The following LDAH variants were observed in gnomAD, a reference collection of about 807,000 sequenced individuals.
The protein encoded by LDAH is lipid droplet-associated hydrolase.
Under a neutral mutation model 29.6 loss-of-function variants are expected in LDAH, and 26 were observed. That is an observed-to-expected ratio of 0.88 (90% CI 0.64 to 1.22). The LOEUF (loss-of-function observed/expected upper bound fraction) is 1.22. LDAH is among the 50% of genes most tolerant of loss of function. LDAH has a pLI of 0.00. For missense variants in LDAH, 344 were observed against 387.3 expected (o/e 0.89, Z 0.94); for synonymous variants, 117 against 133.0 (o/e 0.88, Z 0.83).
At chr2:20,691,271 C>T (rs1663001458) in intron 6 of LDAH, among the ~76,000 whole-genome samples, 1 of 152,214 alleles carries the variant, frequency 6.6e-6, no homozygotes, top group Admixed American at 6.5e-5. Context: ...ACCTCCCGAG[C>T]TCAAGTGACC....
chr2:20,692,836 C>T (rs971824102), intron 6 of LDAH, among the ~76,000 whole-genome samples: 7 of 152,102 alleles, frequency 4.6e-5, no homozygotes, highest in South Asian at 2.1e-4. Context: ...GGGTGGTAAA[C>T]GGCATTTCTG....
At chr2:20,762,363 G>A (rs1668745904) in intron 4 of LDAH, among the ~76,000 whole-genome samples, 1 of 151,976 alleles carries the variant, frequency 6.6e-6, no homozygotes, top group Non-Finnish European at 1.5e-5. Flanking sequence ...ATAAAGAAAA[G>A]CAGAAACAAT....
rs145933842 is a variant in LDAH at position 20,699,117 on chromosome 2, A to G, written c.786+2453T>C. Among the ~76,000 whole-genome samples the G allele has an allele frequency of 2.4e-3, 363 of 152,308 alleles. 1 individual carries two copies. The highest frequency in any genetic ancestry group is 8.2e-3 in the African/African-American group (341 of 41,584). ...GCACAAAGATATATTTTTCAGAACTATTTTTAGTTGAATAGCTGAGATACA... is the reference window on the plus strand; with the variant it reads ...GCACAAAGATATATTTTTCAGAACTGTTTTTAGTTGAATAGCTGAGATACA... On this transcript the variant is annotated intron_variant, in intron 6 of 6. Coordinates refer to ENST00000237822, the MANE Select transcript of LDAH (RefSeq NM_021925.4).
chr2:20,717,985 T>G (rs990967284), intron 5 of LDAH, among the ~76,000 whole-genome samples: 1 of 152,180 alleles, frequency 6.6e-6, no homozygotes, highest in African/African-American at 2.4e-5. Context: ...CTATAAAATG[T>G]TTTTGTAAGC....
chr2:20,720,551 C>G (rs1665574733), intron 5 of LDAH, among the ~76,000 whole-genome samples: 1 of 152,018 alleles, frequency 6.6e-6, no homozygotes, highest in Non-Finnish European at 1.5e-5. Context: ...TGACCCAAAG[C>G]AATCTACAGA....
At chr2:20,819,482 G>A (rs1053428146) in intron 1 of LDAH, among the ~76,000 whole-genome samples, 4 of 152,122 alleles carry the variant, frequency 2.6e-5, no homozygotes, top group Non-Finnish European at 4.4e-5. Flanking sequence ...ATCAATAAAC[G>A]TAATCCAGCA....
intron 1 of LDAH, among the ~76,000 whole-genome samples, chr2:20,804,549 T>C (rs1487953013): frequency 6.6e-6 from 1 of 152,174 alleles, no homozygotes; most frequent in Non-Finnish European, 1.5e-5. Flanking sequence ...TGTAACTCAA[T>C]ATAATGATCA....
chr2:20,806,533 T>A (rs1427197915), intron 1 of LDAH, among the ~76,000 whole-genome samples: 1 of 152,120 alleles, frequency 6.6e-6, no homozygotes, highest in Non-Finnish European at 1.5e-5. Flanking sequence ...AGTCATTTTT[T>A]AAAATTGGCC....
Position 20,756,415 on chromosome 2 carries a change from C to T in LDAH, c.469-16210G>A, listed in dbSNP as rs551332484. 7.9e-5 allele frequency among the ~76,000 whole-genome samples: 12 copies of T among 151,942 alleles called. No homozygotes were observed. The South Asian group carries it at 2.5e-3, about 32-fold the overall frequency. ...AAAGCTTCACTTACAAGAGACAGAT[C>T]AGTACTTTTTTTAAAAGCATGAAGA... On this transcript the variant is annotated intron_variant, in intron 4 of 6. Coordinates refer to ENST00000237822, the MANE Select transcript of LDAH (RefSeq NM_021925.4).
intron 2 of LDAH, among the ~76,000 whole-genome samples, chr2:20,791,454 A>G (rs2125075147): frequency 6.6e-6 from 1 of 152,356 alleles, no homozygotes; most frequent in South Asian, 2.1e-4. Context: ...AAACTTGTAC[A>G]ACAACGTCTA....
rs1362001545 is a variant in LDAH at position 20,684,251 on chromosome 2, TACTC to T, written c.*2648_*2651del. On this transcript the variant is annotated 3_prime_UTR_variant, in exon 7 of 7. Transcript: ENST00000237822. ...AATCAGAAAATTAACAGTGGCATCT[TACTC>T]CCAGCTAATCTTCAGACCTCATTCA... The T allele has an allele frequency of 1.3e-5, 2 of 152,202 alleles. No homozygotes were observed. The highest frequency in any genetic ancestry group is 1.3e-4 in the Admixed American group (2 of 15,278). The allele number at this position is 152,202 out of a possible 1,614,324, so 9.4% of individuals were successfully genotyped here. A position where few individuals can be genotyped will look rare whatever the true frequency, so the allele number is the denominator to read the frequency against.
chr2:20,757,303 C>G (rs1208720405), intron 4 of LDAH, among the ~76,000 whole-genome samples: 1 of 152,078 alleles, frequency 6.6e-6, no homozygotes, highest in Admixed American at 6.6e-5. Context: ...AGAAGGCACT[C>G]TAGGCTTTCA....
intron 3 of LDAH, among the ~76,000 whole-genome samples, chr2:20,777,778 A>G (rs115027776): frequency 8.9e-4 from 135 of 152,304 alleles, no homozygotes; most frequent in African/African-American, 3.0e-3. Flanking sequence ...TGAAATGTTA[A>G]AAGACTATAT....
intron 2 of LDAH, among the ~76,000 whole-genome samples, chr2:20,799,006 C>T (rs1296655229): frequency 6.6e-6 from 1 of 152,142 alleles, no homozygotes; most frequent in Admixed American, 6.5e-5. Context: ...GTGGGCAGAT[C>T]ACTTGAGGCC....
At chr2:20,819,534 T>C (rs930202917) in intron 1 of LDAH, among the ~76,000 whole-genome samples, 4 of 152,136 alleles carry the variant, frequency 2.6e-5, no homozygotes, top group African/African-American at 9.7e-5. Context: ...ATTATCTCAA[T>C]AGATGCAGAA....
chr2:20,693,112 A>T (rs1049354787), intron 6 of LDAH, among the ~76,000 whole-genome samples: 1 of 152,154 alleles, frequency 6.6e-6, no homozygotes, highest in Non-Finnish European at 1.5e-5. Flanking sequence ...CTGTTTACTC[A>T]TCTGTAAAGT....
intron 6 of LDAH, among the ~76,000 whole-genome samples, chr2:20,689,199 G>A (rs1372873881): frequency 6.6e-6 from 1 of 152,132 alleles, no homozygotes; most frequent in Non-Finnish European, 1.5e-5. Context: ...TAGTATTCCA[G>A]CTTCATGGAG....
rs548263940 is a variant in LDAH, at chr2:20,713,025, G to A, written c.704-11373C>T. Among the ~76,000 whole-genome samples the A allele has an allele frequency of 1.5e-3, 235 of 152,190 alleles. 4 individuals carry two copies. The South Asian group carries it at 0.043, about 28-fold the overall frequency. On this transcript the variant is annotated intron_variant, in intron 5 of 6. Transcript: ENST00000237822. ...CAAGGCAGGCCAACATTCAAATTCCGGAAATACAGAGAACACCACAAAGAT... is the reference window on the plus strand; with the variant it reads ...CAAGGCAGGCCAACATTCAAATTCCAGAAATACAGAGAACACCACAAAGAT...
At chr2:20,815,380 T>C (rs1296823389) in intron 1 of LDAH, among the ~76,000 whole-genome samples, 2 of 151,658 alleles carry the variant, frequency 1.3e-5, no homozygotes, top group Non-Finnish European at 2.9e-5. Context: ...AAAGATATAA[T>C]AGCTGAAAAC....
Sources: allele counts gnomAD v4.1 joint callset (sites outside exome capture counted in the v4.1 genomes callset), GRCh38; gene constraint gnomAD v4.1.1; transcripts MANE v1.5; gene names NCBI Gene and HGNC (gene_info 2026-07-23, HGNC 2026-07-21).